The following SYNJ2 variants were observed in gnomAD, a reference collection of about 807,000 sequenced individuals.
The protein encoded by SYNJ2 is synaptojanin 2.
In SYNJ2, 116 loss-of-function variants were observed where a neutral mutation model predicts 141.3. The ratio of observed to expected loss-of-function variants is 0.82; its 90% CI spans 0.71 to 0.96. The LOEUF is 0.96. SYNJ2 is among the 40% of genes least tolerant of loss of function. The probability of loss-of-function intolerance (pLI) is 0.00; values close to 1 mark genes in which losing one functional copy is unlikely to be tolerated. For synonymous variants in SYNJ2, 745 were observed against 777.7 expected, an observed-to-expected ratio of 0.96 and a Z score of 0.70; for missense variants, 1,873 against 1,934.8, an observed-to-expected ratio of 0.97 and a Z score of 0.60.
chr6:158,071,526 G>A lies in SYNJ2; in HGVS notation c.1941-76G>A. On this transcript the variant is annotated intron_variant, in intron 14 of 26. Coordinates refer to ENST00000355585, the MANE Select transcript of SYNJ2 (RefSeq NM_003898.4). This position sits in a 1 kb window ranked among gnomAD's most constrained non-coding sequence, Gnocchi z 4.3. ...AGCAGCAGGTCCCGAGCTGCTGCTG[G>A]GCCCTTCTCTGTGGCAAAGCAGGGT... The A allele has an allele frequency of 6.6e-7, 1 of 1,526,496 alleles. No individual in the cohort carries two copies. Among genetic ancestry groups the A allele is most frequent in the Non-Finnish European group, 8.9e-7 (1 of 1,128,994 alleles). 94.6% of individuals were successfully genotyped at this position (1,526,496 alleles called of 1,614,324 possible).
At chr6:158,087,349 C>T (rs1345950008) in intron 23 of SYNJ2, among the ~76,000 whole-genome samples, 1 of 152,222 alleles carries the variant, frequency 6.6e-6, no homozygotes, top group Non-Finnish European at 1.5e-5. Context: ...GCGCAGTCCT[C>T]CCTCTACTTA....
chr6:158,029,960 C>A lies in SYNJ2; in HGVS notation c.485+934C>A, dbSNP rs570776004. ...GAACCCAGGCTTTCTGGGTCCAGGT[C>A]CCAAGCTGGTAATCACAGTGCTAAA... On this transcript the variant is annotated intron_variant, in intron 3 of 26. Coordinates refer to ENST00000355585, the MANE Select transcript of SYNJ2 (RefSeq NM_003898.4). Among the ~76,000 whole-genome samples, 19 of 152,222 alleles carry A rather than the reference C, an allele frequency of 1.2e-4. No individual in the cohort carries two copies. The South Asian group carries it at 3.5e-3, about 28-fold the overall frequency.
chr6:157,996,904 C>A (rs2128317926), intron 1 of SYNJ2, among the ~76,000 whole-genome samples: 1 of 152,296 alleles, frequency 6.6e-6, no homozygotes, highest in South Asian at 2.1e-4. Context: ...ATCCATGAGC[C>A]AATTAAATCT....
At chr6:158,032,292 A>G (rs1779409706) in intron 3 of SYNJ2, among the ~76,000 whole-genome samples, 1 of 152,224 alleles carries the variant, frequency 6.6e-6, no homozygotes, top group Non-Finnish European at 1.5e-5. Flanking sequence ...CACAGCACAG[A>G]TTTCCAGCAA....
In SYNJ2 at chr6:158,023,280, A is replaced by G. The variant is rs532191634; in HGVS notation, c.215-5476A>G. On this transcript the variant is annotated intron_variant, in intron 2 of 26. Transcript: ENST00000355585. Reference sequence around the variant, plus strand: ...CTCTAAATTTAAAAAAAAAAAAAAAAGCAAACAAACAAAAAACCCATGGTA... The same window carrying G: ...CTCTAAATTTAAAAAAAAAAAAAAAGGCAAACAAACAAAAAACCCATGGTA... 2.7e-5 allele frequency among the ~76,000 whole-genome samples: 4 copies of G among 150,882 alleles called. No individual in the cohort carries two copies. In the South Asian group the frequency reaches 8.4e-4, roughly 32 times the overall value.
At chr6:157,983,485 CA>C (rs1338628180) in intron 1 of SYNJ2, among the ~76,000 whole-genome samples, 2 of 152,152 alleles carry the variant, frequency 1.3e-5, no homozygotes, top group Non-Finnish European at 2.9e-5. Flanking sequence ...TTTCATGGTA[CA>C]AAACTACTGT....
chr6:158,068,558 A>G, intron 12 of SYNJ2, 89 bp from the exon 13 acceptor site: 1 of 1,444,510 alleles, frequency 6.9e-7, no homozygotes, highest in East Asian at 2.3e-5. Flanking sequence ...GGACAGCATG[A>G]CTCGGGAGAG....
Position 158,096,663 on chromosome 6 carries a change from G to A in SYNJ2, c.*299G>A, listed in dbSNP as rs1670594027. On this transcript the variant is annotated 3_prime_UTR_variant, in exon 27 of 27. Transcript: ENST00000355585. ...GAATCTAGCCAATGAGGTCCAAGAA[G>A]TTCTCACCCATTGAATTTTTAAATG... The A allele has an allele frequency of 4.1e-6, 1 of 244,172 alleles. No homozygotes were observed. The allele number at this position is 244,172 out of a possible 1,614,324, so 15.1% of individuals were successfully genotyped here.
intron 4 of SYNJ2, among the ~76,000 whole-genome samples, chr6:158,042,857 T>C (rs922021357): frequency 1.3e-5 from 2 of 152,232 alleles, no homozygotes; most frequent in South Asian, 4.1e-4. Flanking sequence ...GTGAGGTCTT[T>C]TGGCTATCAC....
chr6:158,039,292 C>T lies in SYNJ2; in HGVS notation c.712-4024C>T, dbSNP rs961488414. ...GTATGCTCCTGCGAAGCGGCAGCCCCGCTGCCCTCCCTGGCTCTGCGGCCA... is the reference window on the plus strand; with the variant it reads ...GTATGCTCCTGCGAAGCGGCAGCCCTGCTGCCCTCCCTGGCTCTGCGGCCA... On this transcript the variant is annotated intron_variant, in intron 4 of 26. Transcript: ENST00000355585. 5.2e-5 allele frequency among the ~76,000 whole-genome samples: 8 copies of T among 152,386 alleles called. No individual in the cohort carries two copies. In the South Asian group the frequency reaches 8.3e-4, roughly 16 times the overall value.
At chr6:157,981,571 C>A (rs113552364), upstream of SYNJ2, among the ~76,000 whole-genome samples, 1 of 152,066 alleles carries the variant, frequency 6.6e-6, no homozygotes, top group Non-Finnish European at 1.5e-5. The surrounding 1 kb of genome is among the most constrained non-coding windows in gnomAD (Gnocchi z 6.4). Flanking sequence ...AGGCTGCGGG[C>A]GGCCGGCATC....
chr6:158,034,526 T>C (rs953293718), intron 4 of SYNJ2, among the ~76,000 whole-genome samples: 19 of 152,312 alleles, frequency 1.2e-4, no homozygotes, highest in African/African-American at 4.6e-4. Context: ...TGTGGGACTT[T>C]CTGCCTGCTC....
intron 3 of SYNJ2, among the ~76,000 whole-genome samples, chr6:158,032,584 C>T (rs1485547498): frequency 3.3e-5 from 5 of 152,202 alleles, no homozygotes; most frequent in African/African-American, 1.2e-4. Flanking sequence ...TGAAGAAAGG[C>T]TCGGCGTGAA....
Position 158,064,954 on chromosome 6 carries a change from C to T in SYNJ2, c.1488C>T (p.Asp496=), listed in dbSNP as rs1431292660. ...ACGTCTACGGCGAGGAGGTGGCAGA[C>T]AAAGGGGGCATGCTGCTGGACAGCA... ...VGDVYGEEVA[D]KGGMLLDSTA... is the part of the protein sequence containing the mutation. The change falls in exon 11 of 27, where the codon GAC becomes GAT. Residue 496 remains aspartate (D), a synonymous_variant. Coordinates refer to ENST00000355585, the MANE Select transcript of SYNJ2 (RefSeq NM_003898.4). 1.2e-6 allele frequency: 2 copies of T among 1,609,546 alleles called. No individual in the cohort carries two copies. Among genetic ancestry groups the T allele is most frequent in the Non-Finnish European group, 1.7e-6 (2 of 1,177,962 alleles).
chr6:158,064,586 C>G lies in SYNJ2; in HGVS notation c.1210-15C>G. ...TGGGAGAAGCCAGTGACAGCCATCC[C>G]TTATTCCTCCCCAGGTCCTGCATCT... On this transcript the variant is annotated splice_polypyrimidine_tract_variant and intron_variant, in intron 9 of 26. Coordinates refer to ENST00000355585, the MANE Select transcript of SYNJ2 (RefSeq NM_003898.4). 1.2e-6 allele frequency: 2 copies of G among 1,612,750 alleles called. No homozygotes were observed. Among genetic ancestry groups the G allele is most frequent in the South Asian group, 2.2e-5 (2 of 91,022 alleles).
Position 158,074,696 on chromosome 6 carries a change from T to A in SYNJ2, c.2250T>A (p.Leu750=). The A allele has an allele frequency of 6.2e-7, 1 of 1,613,904 alleles. No homozygotes were observed. The highest frequency in any genetic ancestry group is 1.7e-4 in the Middle Eastern group (1 of 6,060). The change falls in exon 16 of 27, where the codon CTT becomes CTA. Residue 750 remains leucine (L), a synonymous_variant. Transcript: ENST00000355585. ...TTAAACGCCAAGACTGGAAGAAACTTCTGGAATTTGATCAACTACAGCTAC... is the reference window on the plus strand; with the variant it reads ...TTAAACGCCAAGACTGGAAGAAACTACTGGAATTTGATCAACTACAGCTAC... The part of the protein sequence containing the change: ...YFVKRQDWKK[L]LEFDQLQLQK...
rs869141011 is a variant in SYNJ2 at position 158,037,395 on chromosome 6, CTT to C, written c.711+3737_711+3738del. Among the ~76,000 whole-genome samples, 218 of 109,066 alleles carry C rather than the reference CTT, an allele frequency of 2.0e-3. 1 individual carries two copies. Among genetic ancestry groups the C allele is most frequent in the African/African-American group, 7.4e-3 (192 of 25,950 alleles). 71.6% of individuals were successfully genotyped at this position (109,066 alleles called of 152,430 possible). On this transcript the variant is annotated intron_variant, in intron 4 of 26. Transcript: ENST00000355585. ...CCCACCCTACTCCAGTTGTCCTCAT[CTT>C]TTTTTTTTTTTTTTTTTTTTTGGAG...
At chr6:158,039,860 G>C (rs1779845400) in intron 4 of SYNJ2, among the ~76,000 whole-genome samples, 1 of 152,202 alleles carries the variant, frequency 6.6e-6, no homozygotes, top group South Asian at 2.1e-4. Flanking sequence ...GCCGCCCGCA[G>C]GTCACACTGG....
chr6:158,037,652 C>T (rs1157239382), intron 4 of SYNJ2, among the ~76,000 whole-genome samples: 4 of 152,022 alleles, frequency 2.6e-5, no homozygotes, highest in African/African-American at 9.7e-5. Context: ...CTGCCCGCCT[C>T]GGCCTCCCAA....
Sources: allele counts gnomAD v4.1 joint callset (sites outside exome capture counted in the v4.1 genomes callset), GRCh38; gene constraint gnomAD v4.1.1; non-coding constraint Gnocchi (gnomAD v3.1); transcripts MANE v1.5; gene names NCBI Gene and HGNC (gene_info 2026-07-23, HGNC 2026-07-21).